The following FRMPD3 variants were observed in gnomAD, a reference collection of about 807,000 sequenced individuals.
FRMPD3 encodes the protein FERM and PDZ domain-containing protein 3.
FRMPD3 carries 42 observed loss-of-function variants against 97.9 expected under a neutral mutation model. That is an observed-to-expected ratio of 0.43 (90% CI 0.34 to 0.55). The LOEUF (loss-of-function observed/expected upper bound fraction) is 0.55. Ranked by LOEUF, FRMPD3 falls within the 20% of genes least tolerant of loss-of-function variation. FRMPD3 has a pLI of 0.03. For synonymous variants in FRMPD3, 577 were observed against 581.1 expected, an observed-to-expected ratio of 0.99 and a Z score of 0.10; for missense variants, 1,303 against 1,457.7, an observed-to-expected ratio of 0.89 and a Z score of 1.73.
At chrX:107,480,247 A>G (rs1206965356) in intron 1 of FRMPD3, among the ~76,000 whole-genome samples, 1 of 111,177 alleles carries the variant, frequency 9.0e-6, no homozygotes, top group African/African-American at 3.3e-5. Context: ...GGAAGATTGG[A>G]GTGTGGTGAT....
chrX:107,469,670 G>A (rs1479724572), intron 1 of FRMPD3, among the ~76,000 whole-genome samples: 1 of 112,853 alleles, frequency 8.9e-6, no homozygotes, highest in Admixed American at 9.3e-5. Flanking sequence ...CTTAGTGACT[G>A]TGAACTTGGA....
chrX:107,474,971 A>G (rs1302085118), intron 1 of FRMPD3, among the ~76,000 whole-genome samples: 2 of 111,897 alleles, frequency 1.8e-5, no homozygotes, highest in African/African-American at 3.3e-5. Context: ...CTACAAGTGG[A>G]GAACGGGTGT....
intron 12 of FRMPD3, among the ~76,000 whole-genome samples, chrX:107,568,060 C>A (rs1413663247): frequency 2.7e-5 from 3 of 110,508 alleles, no homozygotes; most frequent in Admixed American, 9.7e-5. Context: ...GTCCCAAGTA[C>A]TCTGAAGAAT....
intron 6 of FRMPD3, among the ~76,000 whole-genome samples, chrX:107,551,164 C>T (rs1921846025): frequency 1.8e-5 from 2 of 111,613 alleles, no homozygotes; most frequent in Admixed American, 1.9e-4. Flanking sequence ...GTTTTAGGGT[C>T]GGAGATGCTA....
At chrX:107,593,079 A>C (rs1923991506) in intron 13 of FRMPD3, among the ~76,000 whole-genome samples, 2 of 111,783 alleles carry the variant, frequency 1.8e-5, no homozygotes, top group Admixed American at 1.9e-4. Context: ...CCCAGCCATT[A>C]TGGTGAATTC....
intron 4 of FRMPD3, among the ~76,000 whole-genome samples, chrX:107,544,072 A>G (rs1921458706): frequency 9.0e-6 from 1 of 111,644 alleles, no homozygotes; most frequent in Admixed American, 9.6e-5. Context: ...GTCATTTGCT[A>G]CAACATGGAT....
At chrX:107,469,847 G>T (rs1312750930) in intron 1 of FRMPD3, among the ~76,000 whole-genome samples, 1 of 112,459 alleles carries the variant, frequency 8.9e-6, no homozygotes. Flanking sequence ...TATGAGGAGG[G>T]TACAGTCTGG....
At chrX:107,524,759 G>A (rs1217352092) in intron 1 of FRMPD3, among the ~76,000 whole-genome samples, 4 of 111,002 alleles carry the variant, frequency 3.6e-5, no homozygotes, top group South Asian at 3.8e-4. Context: ...TTGGGAGGCC[G>A]AGGCGGGTGG....
rs770291399 is a variant in FRMPD3 at position 107,518,706 on chromosome X, T to TA, written c.-7-7875dup. On this transcript the variant is annotated intron_variant, in intron 1 of 14. Coordinates refer to ENST00000683843, the MANE Select transcript of FRMPD3 (RefSeq NM_001388459.1). ...TTCCTCAAAAAGTAAAACATAGAAT[T>TA]ACCTTACGATTCAGCAGTTCCACTT... is the stretch of plus-strand genomic sequence containing the variant. Among the ~76,000 whole-genome samples the TA allele has an allele frequency of 5.3e-5, 6 of 112,165 alleles. No homozygotes were observed. In the South Asian group the frequency reaches 2.3e-3, roughly 42 times the overall value.
intron 4 of FRMPD3, among the ~76,000 whole-genome samples, chrX:107,534,029 T>C (rs748348982): frequency 8.9e-6 from 1 of 112,243 alleles, no homozygotes; most frequent in Admixed American, 9.4e-5. Context: ...TTTGTCCTGG[T>C]ACAGTCACTT....
chrX:107,526,091 TA>T (rs371290366), intron 1 of FRMPD3, among the ~76,000 whole-genome samples: 2,599 of 108,758 alleles, frequency 0.024, 76 homozygotes, highest in African/African-American at 0.081. Flanking sequence ...AAATAAAAAT[TA>T]AAAAAAAAAT....
chrX:107,571,280 A>T (rs1487370613), intron 12 of FRMPD3, among the ~76,000 whole-genome samples: 3 of 112,230 alleles, frequency 2.7e-5, no homozygotes, highest in Admixed American at 1.9e-4. Context: ...TAAAATAAAA[A>T]ATTGTTTTTG....
intron 1 of FRMPD3, among the ~76,000 whole-genome samples, chrX:107,506,529 G>A (rs1331372155): frequency 8.9e-6 from 1 of 112,783 alleles, no homozygotes; most frequent in African/African-American, 3.2e-5. Flanking sequence ...CAATGGAGAG[G>A]ATGCTGGAAT....
chrX:107,496,832 A>T (rs1602761001), intron 1 of FRMPD3, among the ~76,000 whole-genome samples: 1 of 111,535 alleles, frequency 9.0e-6, no homozygotes, highest in Admixed American at 9.5e-5. Flanking sequence ...TCCTGGGGAG[A>T]GCTGAGCTGG....
At chrX:107,506,155 C>T (rs997725636) in intron 1 of FRMPD3, among the ~76,000 whole-genome samples, 3 of 111,999 alleles carry the variant, frequency 2.7e-5, no homozygotes, top group Admixed American at 1.9e-4. Context: ...TCTCCCATAG[C>T]GTCTGGCACA....
Position 107,554,493 on chromosome X carries a change from C to T in FRMPD3, c.751C>T (p.Leu251=). 4 of 1,208,228 alleles carry T rather than the reference C, an allele frequency of 3.3e-6. No homozygotes were observed. The highest frequency in any genetic ancestry group is 1.8e-5 in the South Asian group (1 of 56,175). Residue 251 remains leucine, a synonymous_variant, in exon 8 of 15, where the codon CTA becomes TTA. Coordinates refer to ENST00000683843, the MANE Select transcript of FRMPD3 (RefSeq NM_001388459.1). ...LRRDPAAFEY[L]YIQSRNDVIR... ...TCGGGATCCTGCTGCTTTTGAGTAC[C>T]TATACATCCAGGTAGAGTCTGGCTT...
intron 1 of FRMPD3, among the ~76,000 whole-genome samples, chrX:107,461,549 A>G (rs1395327968): frequency 9.0e-6 from 1 of 110,811 alleles, no homozygotes; most frequent in African/African-American, 3.3e-5. Context: ...TTACTGCAGC[A>G]GCCTCCTAAC....
At position 107,597,771 on chromosome X, in the gene FRMPD3, C is replaced by G; in HGVS notation, c.1892C>G (p.Pro631Arg). The change falls in exon 14 of 15, where the codon CCT (proline) becomes CGT (arginine). Residue 631 changes from proline (P) to arginine (R), a missense_variant. Around this residue, in one of 3 missense-constraint regions of FRMPD3, gnomAD observed 535 missense variants for 618.6 expected, o/e 0.86. Transcript: ENST00000683843. ...CTGGGCCCTCGCAAAGGTGGGAAGC[C>G]TGGCTCCTCTCGTGACAATATAGTA... ...EQLGPRKGGKPGSSRDNIVDL... is the reference protein window; with the variant it reads ...EQLGPRKGGKRGSSRDNIVDL... 1 of 1,187,763 alleles carries G rather than the reference C, an allele frequency of 8.4e-7. No homozygotes were observed. Among genetic ancestry groups the G allele is most frequent in the Non-Finnish European group, 1.1e-6 (1 of 883,790 alleles).
At chrX:107,533,293 A>G (rs748308769) in intron 3 of FRMPD3, among the ~76,000 whole-genome samples, 2 of 111,870 alleles carry the variant, frequency 1.8e-5, no homozygotes, top group African/African-American at 6.5e-5. Context: ...TGATTATACC[A>G]TCTTCGGATA....
Sources: allele counts gnomAD v4.1 joint callset (sites outside exome capture counted in the v4.1 genomes callset), GRCh38; gene constraint gnomAD v4.1.1; regional missense constraint gnomAD v4.1.1; transcripts MANE v1.5; gene names NCBI Gene and HGNC (gene_info 2026-07-23, HGNC 2026-07-21).